Variants in DPP6 observed in about 807,000 individuals in gnomAD.
DPP6 encodes A-type potassium channel modulatory protein DPP6.
DPP6 carries 69 observed loss-of-function variants against 122.6 expected under a neutral mutation model. The ratio of observed to expected loss-of-function variants is 0.56; its 90% CI spans 0.46 to 0.69. The LOEUF is 0.69. DPP6 is among the 30% of genes least tolerant of loss of function. DPP6 has a pLI of 0.00. For missense variants in DPP6, 928 were observed against 1,116.9 expected (o/e 0.83, Z 2.41); for synonymous variants, 418 against 433.1 (o/e 0.97, Z 0.43).
intron 1 of DPP6, among the ~76,000 whole-genome samples, chr7:154,262,096 A>C (rs1031219706): frequency 6.6e-6 from 1 of 152,110 alleles, no homozygotes; most frequent in Non-Finnish European, 1.5e-5. Context: ...CACAGGGTGC[A>C]CTAATAGACT....
chr7:153,897,681 CTG>C (rs1042983907), intron 1 of DPP6, among the ~76,000 whole-genome samples: 1 of 152,186 alleles, frequency 6.6e-6, no homozygotes, highest in Non-Finnish European at 1.5e-5. Flanking sequence ...ATCAGGGTAA[CTG>C]TGAATTTAAC....
intron 1 of DPP6, among the ~76,000 whole-genome samples, chr7:154,199,571 A>C (rs1382857657): frequency 6.6e-6 from 1 of 152,136 alleles, no homozygotes; most frequent in African/African-American, 2.4e-5. Flanking sequence ...GTTTATAATA[A>C]AAATTAACCT....
chr7:154,790,515 G>T (rs569116103), intron 10 of DPP6, among the ~76,000 whole-genome samples: 1 of 151,878 alleles, frequency 6.6e-6, no homozygotes, highest in Non-Finnish European at 1.5e-5. Flanking sequence ...TATTGTTTTG[G>T]GTTTTTAAAA....
chr7:154,494,953 T>C (rs1261500825), intron 3 of DPP6, among the ~76,000 whole-genome samples: 1 of 152,136 alleles, frequency 6.6e-6, no homozygotes, highest in Non-Finnish European at 1.5e-5. Context: ...GGAGGGAGAA[T>C]ACAGAGAAAT....
At chr7:154,436,848 T>C (rs1818912200) in intron 1 of DPP6, among the ~76,000 whole-genome samples, 1 of 152,214 alleles carries the variant, frequency 6.6e-6, no homozygotes, top group Non-Finnish European at 1.5e-5. Flanking sequence ...TGAACTTACG[T>C]GTGAACCACT....
chr7:154,395,793 T>A (rs763797555), intron 1 of DPP6, among the ~76,000 whole-genome samples: 3 of 152,138 alleles, frequency 2.0e-5, no homozygotes, highest in Non-Finnish European at 2.9e-5. Flanking sequence ...TTCTGTTGAA[T>A]CAAATAAGTG....
intron 7 of DPP6, among the ~76,000 whole-genome samples, chr7:154,707,748 G>T (rs1435167066): frequency 6.6e-6 from 1 of 152,206 alleles, no homozygotes; most frequent in Non-Finnish European, 1.5e-5. Flanking sequence ...AGGTTTGATT[G>T]ACTCACAGTT....
intron 1 of DPP6, among the ~76,000 whole-genome samples, chr7:153,890,386 G>A (rs1178203961): frequency 5.3e-5 from 8 of 152,190 alleles, no homozygotes; most frequent in Non-Finnish European, 1.0e-4. Flanking sequence ...GCCCCTGCTC[G>A]CTGACATCCA....
chr7:154,216,159 G>A (rs1201026201), intron 1 of DPP6, among the ~76,000 whole-genome samples: 3 of 152,142 alleles, frequency 2.0e-5, no homozygotes, highest in East Asian at 3.9e-4. Context: ...GGGACCCCAC[G>A]GGACGCATTG....
chr7:154,313,688 T>TGC, intron 1 of DPP6, among the ~76,000 whole-genome samples: 1 of 21,666 alleles, frequency 4.6e-5, no homozygotes, highest in African/African-American at 2.2e-4. Flanking sequence ...AGATATGGTA[T>TGC]ATATATATAT....
chr7:154,380,360 G>A (rs963932988), intron 1 of DPP6, among the ~76,000 whole-genome samples: 2 of 152,202 alleles, frequency 1.3e-5, no homozygotes, highest in African/African-American at 4.8e-5. Flanking sequence ...ACACACAAAT[G>A]TGTACATATA....
intron 3 of DPP6, among the ~76,000 whole-genome samples, chr7:154,540,156 A>C (rs1828601861): frequency 6.6e-6 from 1 of 152,220 alleles, no homozygotes. Flanking sequence ...GGCCACAAGC[A>C]TTCTGCATAC....
At position 154,052,536 on chromosome 7, in the gene DPP6, A is replaced by C. The variant is rs1339885397; in HGVS notation, c.-285A>C. The stretch of plus-strand genomic sequence containing the variant: ...CTGTGGCAAGGAGTTGGGGAAAAAA[A>C]TTATAAAAACAGGAAAGAGAGAAAG... On this transcript the variant is annotated 5_prime_UTR_variant, in exon 1 of 26. Coordinates refer to ENST00000377770, the MANE Select transcript of DPP6 (RefSeq NM_130797.4). The surrounding 1 kb of genome is among the most constrained non-coding windows in gnomAD (Gnocchi z 4.8). 1 of 939,600 alleles carries C rather than the reference A, an allele frequency of 1.1e-6. No homozygotes were observed. Among genetic ancestry groups the C allele is most frequent in the African/African-American group, 1.8e-5 (1 of 56,592 alleles). 58.2% of individuals were successfully genotyped at this position (939,600 alleles called of 1,614,324 possible). A position where few individuals can be genotyped will look rare whatever the true frequency, so the allele number is the denominator to read the frequency against.
At position 154,794,059 on chromosome 7, in the gene DPP6, G is replaced by C; in HGVS notation, c.1137-20G>C. The C allele has an allele frequency of 6.2e-7, 1 of 1,610,282 alleles. No individual in the cohort carries two copies. Among genetic ancestry groups the C allele is most frequent in the Non-Finnish European group, 8.5e-7 (1 of 1,177,612 alleles). Reference sequence around the variant, plus strand: ...GCGGGGGTCCTGCCAAGCTGCTCATGCTGTGTTTGGCGTTTCCAGGGAGTA... The same window carrying C: ...GCGGGGGTCCTGCCAAGCTGCTCATCCTGTGTTTGGCGTTTCCAGGGAGTA... On this transcript the variant is annotated intron_variant, in intron 10 of 25. Transcript: ENST00000377770.
intron 1 of DPP6, among the ~76,000 whole-genome samples, chr7:153,912,578 G>A (rs1291747296): frequency 6.6e-6 from 1 of 152,198 alleles, no homozygotes; most frequent in Non-Finnish European, 1.5e-5. Context: ...TAAGAGGAAA[G>A]CAATGGAGGT....
chr7:154,198,400 CT>C (rs1798986030), intron 1 of DPP6, among the ~76,000 whole-genome samples: 1 of 152,072 alleles, frequency 6.6e-6, no homozygotes. Flanking sequence ...CAACCTCCAC[CT>C]CCTGGGTTCA....
chr7:154,882,300 C>T (rs1010300363), intron 21 of DPP6, among the ~76,000 whole-genome samples: 7 of 152,218 alleles, frequency 4.6e-5, no homozygotes, highest in South Asian at 4.1e-4. Flanking sequence ...TCAGCTCCGC[C>T]GAGGACATCT....
chr7:154,120,375 G>T (rs1159395656), intron 1 of DPP6, among the ~76,000 whole-genome samples: 2 of 151,928 alleles, frequency 1.3e-5, no homozygotes, highest in Non-Finnish European at 1.5e-5. Context: ...CTCCTGAGTA[G>T]CTGGGAATAC....
chr7:154,216,415 T>C (rs1317563438), intron 1 of DPP6, among the ~76,000 whole-genome samples: 1 of 152,066 alleles, frequency 6.6e-6, no homozygotes, highest in African/African-American at 2.4e-5. Context: ...AACATAGGGA[T>C]TTGGAAGATT....
Sources: gnomAD v4.1 joint callset for allele counts (sites outside exome capture counted in the v4.1 genomes callset) on GRCh38, gnomAD v4.1.1 for gene constraint, Gnocchi (gnomAD v3.1) non-coding constraint, MANE v1.5 for transcripts, NCBI Gene and HGNC (gene_info 2026-07-23, HGNC 2026-07-21) for gene names.